Variants in RPRD1A observed in about 807,000 individuals in gnomAD.
RPRD1A encodes the protein regulation of nuclear pre-mRNA domain-containing protein 1A.
A neutral mutation model predicts 37.8 loss-of-function variants in RPRD1A; 9 were observed. That is an observed-to-expected ratio of 0.24 (90% CI 0.14 to 0.42). RPRD1A has a LOEUF of 0.42. Among genes scored for constraint, RPRD1A ranks in the 10% least tolerant of loss-of-function variants. RPRD1A has a pLI of 1.00. For synonymous variants in RPRD1A, 138 were observed against 139.7 expected (o/e 0.99, Z 0.08); for missense variants, 255 against 371.0 (o/e 0.69, Z 2.57).
At chr18:36,044,639 G>T (rs1912823895) in intron 1 of RPRD1A, among the ~76,000 whole-genome samples, 1 of 152,024 alleles carries the variant, frequency 6.6e-6, no homozygotes, top group East Asian at 2.0e-4. Context: ...AGTGAGCCAA[G>T]ATGACACCAC....
rs193071523 is a variant in RPRD1A at position 36,054,963 on chromosome 18, T to C, written c.151+12291A>G. The stretch of plus-strand genomic sequence containing the variant: ...CTATTTATGTCTTCAACTGGCTGGA[T>C]AAGGCATACTTACACTAGGGAGGGC... On this transcript the variant is annotated intron_variant, in intron 1 of 6. Coordinates refer to ENST00000399022, the MANE Select transcript of RPRD1A (RefSeq NM_018170.5). 1.6e-4 allele frequency among the ~76,000 whole-genome samples: 24 copies of C among 152,334 alleles called. No individual in the cohort carries two copies. In the South Asian group the frequency reaches 2.1e-3, roughly 13 times the overall value.
chr18:35,999,607 T>C (rs1568112477), intron 6 of RPRD1A, among the ~76,000 whole-genome samples: 1 of 152,172 alleles, frequency 6.6e-6, no homozygotes, highest in Non-Finnish European at 1.5e-5. Context: ...CAGATGCTGC[T>C]AATAATTCAT....
chr18:36,031,108 A>G lies in RPRD1A; in HGVS notation c.282-11T>C, dbSNP rs1911753395. 4.6e-6 allele frequency: 7 copies of G among 1,528,814 alleles called. No homozygotes were observed. The highest frequency in any genetic ancestry group is 2.3e-5 in the East Asian group (1 of 43,188). 94.7% of individuals were successfully genotyped at this position (1,528,814 alleles called of 1,614,324 possible). ...CTTTCATCAGTTTCACTAAAAAAAA[A>G]AAAAAAGAAAAAAAGAAAAATGTTA... On this transcript the variant is annotated splice_polypyrimidine_tract_variant and intron_variant, in intron 2 of 6. Coordinates refer to ENST00000399022, the MANE Select transcript of RPRD1A (RefSeq NM_018170.5).
At chr18:36,039,261 T>C (rs928694341) in intron 1 of RPRD1A, among the ~76,000 whole-genome samples, 23 of 152,180 alleles carry the variant, frequency 1.5e-4, no homozygotes, top group African/African-American at 5.5e-4. Flanking sequence ...TGCAGAACTG[T>C]GAGTCAATTA....
At chr18:36,064,800 A>G (rs1172329389) in intron 1 of RPRD1A, among the ~76,000 whole-genome samples, 2 of 152,236 alleles carry the variant, frequency 1.3e-5, no homozygotes, top group East Asian at 1.9e-4. Flanking sequence ...ACTCTTCACA[A>G]TAAATCTTGC....
At chr18:36,023,617 T>C (rs1224497216) in intron 6 of RPRD1A, among the ~76,000 whole-genome samples, 1 of 152,202 alleles carries the variant, frequency 6.6e-6, no homozygotes, top group Non-Finnish European at 1.5e-5. Context: ...ATGTACTGCA[T>C]CCTACAGAGA....
intron 6 of RPRD1A, among the ~76,000 whole-genome samples, chr18:36,000,532 T>C (rs1376030573): frequency 6.6e-6 from 1 of 152,352 alleles, no homozygotes; most frequent in South Asian, 2.1e-4. Flanking sequence ...CCAATGCCTG[T>C]CAACTAGGTT....
At chr18:36,004,727 A>G (rs1909632944) in intron 6 of RPRD1A, among the ~76,000 whole-genome samples, 1 of 152,108 alleles carries the variant, frequency 6.6e-6, no homozygotes, top group Non-Finnish European at 1.5e-5. Context: ...ATATGGGGAA[A>G]CCCTGTCTCT....
chr18:36,035,711 GAATA>G (rs1439175355), intron 1 of RPRD1A, among the ~76,000 whole-genome samples: 2 of 152,248 alleles, frequency 1.3e-5, no homozygotes, highest in Admixed American at 1.3e-4. Context: ...ACTGATCAAT[GAATA>G]AACAAAATGT....
intron 6 of RPRD1A, among the ~76,000 whole-genome samples, chr18:36,001,698 C>T (rs960421977): frequency 6.6e-6 from 1 of 152,142 alleles, no homozygotes; most frequent in Non-Finnish European, 1.5e-5. Context: ...ATCTGGTTTG[C>T]GACATTCCTC....
intron 6 of RPRD1A, among the ~76,000 whole-genome samples, chr18:36,018,859 T>C (rs1490057372): frequency 1.3e-5 from 2 of 152,096 alleles, no homozygotes; most frequent in Non-Finnish European, 2.9e-5. Flanking sequence ...GAAAAGGATG[T>C]AGGACTCTCT....
In RPRD1A at chr18:36,048,910, G is replaced by A. The variant is rs187686335; in HGVS notation, c.152-15073C>T. On this transcript the variant is annotated intron_variant, in intron 1 of 6. Transcript: ENST00000399022. ...GAATTTATGAAAAAAAACGTTTACA[G>A]CTAATAAGTGCATTCAGCAAGAGCT... is the stretch of plus-strand genomic sequence containing the variant. 1.1e-3 allele frequency among the ~76,000 whole-genome samples: 166 copies of A among 152,332 alleles called. 1 individual carries two copies. The highest frequency in any genetic ancestry group is 3.9e-3 in the African/African-American group (161 of 41,580).
At chr18:36,032,261 G>A (rs1274538146) in intron 2 of RPRD1A, among the ~76,000 whole-genome samples, 1 of 148,782 alleles carries the variant, frequency 6.7e-6, no homozygotes, top group Non-Finnish European at 1.5e-5. Flanking sequence ...GAACAAAACT[G>A]TCTTGGTCAC....
At chr18:36,037,541 AACAGACTAAT>A (rs1419544801) in intron 1 of RPRD1A, among the ~76,000 whole-genome samples, 2 of 152,224 alleles carry the variant, frequency 1.3e-5, no homozygotes, top group African/African-American at 4.8e-5. Flanking sequence ...ACAGCATGAG[AACAGACTAAT>A]ACAGTAAATT....
At chr18:36,057,599 A>G (rs1169687858) in intron 1 of RPRD1A, among the ~76,000 whole-genome samples, 1 of 152,106 alleles carries the variant, frequency 6.6e-6, no homozygotes, top group African/African-American at 2.4e-5. Context: ...GTGAGAGAGT[A>G]AGACCCTGTC....
chr18:36,054,433 G>T (rs975526656), intron 1 of RPRD1A, among the ~76,000 whole-genome samples: 1 of 152,214 alleles, frequency 6.6e-6, no homozygotes, highest in African/African-American at 2.4e-5. Flanking sequence ...AGAGGTTGCA[G>T]TGAGCAGAGG....
At chr18:36,032,694 A>G (rs1911883538) in intron 2 of RPRD1A, among the ~76,000 whole-genome samples, 1 of 152,262 alleles carries the variant, frequency 6.6e-6, no homozygotes, top group African/African-American at 2.4e-5. Context: ...AGATATGGGG[A>G]CTGAAGGAGA....
intron 6 of RPRD1A, chr18:36,025,854 T>TAAA: frequency 1.1e-5 from 3 of 269,882 alleles, no homozygotes; most frequent in Non-Finnish European, 2.1e-5. Context: ...ATTCATCTTT[T>TAAA]AAAAAAAAAA....
At chr18:35,995,381 G>A (rs1345188209) in intron 6 of RPRD1A, among the ~76,000 whole-genome samples, 1 of 148,846 alleles carries the variant, frequency 6.7e-6, no homozygotes, top group East Asian at 2.0e-4. Flanking sequence ...CTCCTGCCTC[G>A]GCCTCCTGAG....
Sources: allele counts gnomAD v4.1 joint callset (sites outside exome capture counted in the v4.1 genomes callset), GRCh38; gene constraint gnomAD v4.1.1; transcripts MANE v1.5; gene names NCBI Gene and HGNC (gene_info 2026-07-23, HGNC 2026-07-21).